Variants in CSGALNACT1 observed in about 807,000 individuals in gnomAD.
The protein encoded by CSGALNACT1 is chondroitin sulfate N-acetylgalactosaminyltransferase 1.
In CSGALNACT1, 52 loss-of-function variants were observed where a neutral mutation model predicts 51.0. That is an observed-to-expected ratio of 1.02 (90% CI 0.82 to 1.29). CSGALNACT1 has a LOEUF of 1.29. Ranked by LOEUF, CSGALNACT1 falls within the 50% of genes most tolerant of loss-of-function variation. The pLI, the probability that CSGALNACT1 is intolerant of heterozygous loss-of-function variation, is 0.00. For missense variants in CSGALNACT1, 935 were observed against 679.2 expected, an observed-to-expected ratio of 1.38 and a Z score of -4.19; for synonymous variants, 341 against 254.4, an observed-to-expected ratio of 1.34 and a Z score of -3.24.
At chr8:19,621,203 C>T (rs2053782034) in intron 1 of CSGALNACT1, among the ~76,000 whole-genome samples, 2 of 152,066 alleles carry the variant, frequency 1.3e-5, no homozygotes, top group South Asian at 4.1e-4. Context: ...AATGATAAAA[C>T]TTTTGCCTGC....
chr8:19,428,378 G>A (rs1024435319), intron 6 of CSGALNACT1, among the ~76,000 whole-genome samples: 5 of 152,080 alleles, frequency 3.3e-5, no homozygotes, highest in Non-Finnish European at 5.9e-5. Flanking sequence ...CTTACGTGGC[G>A]GCAGGTGAGG....
At chr8:19,736,552 G>C (rs1344166313) in intron 1 of CSGALNACT1, among the ~76,000 whole-genome samples, 4 of 151,524 alleles carry the variant, frequency 2.6e-5, no homozygotes, top group African/African-American at 7.3e-5. Context: ...ATCATCCAAA[G>C]AGTGGCATTA....
intron 4 of CSGALNACT1, among the ~76,000 whole-genome samples, chr8:19,494,597 C>G (rs2075100178): frequency 6.6e-6 from 1 of 152,200 alleles, no homozygotes; most frequent in Non-Finnish European, 1.5e-5. Context: ...CACTGAATAT[C>G]CAAGTCTTTA....
At chr8:19,525,536 G>A (rs1238946991) in intron 3 of CSGALNACT1, among the ~76,000 whole-genome samples, 3 of 134,798 alleles carry the variant, frequency 2.2e-5, no homozygotes, top group African/African-American at 8.2e-5. Context: ...AGAATCGCTT[G>A]AACCCAGCAG....
At chr8:19,661,663 T>C (rs1337993734) in intron 1 of CSGALNACT1, among the ~76,000 whole-genome samples, 1 of 152,184 alleles carries the variant, frequency 6.6e-6, no homozygotes, top group East Asian at 1.9e-4. Flanking sequence ...TATGCCATGC[T>C]CTTTATGACA....
At chr8:19,404,272 T>C (rs1563225917) in exon 10 of CSGALNACT1, 1 of 444,402 alleles carries the variant, frequency 2.3e-6, no homozygotes, top group East Asian at 7.0e-5. Flanking sequence ...ATGCATTTTT[T>C]AACACACCAA....
intron 1 of CSGALNACT1, among the ~76,000 whole-genome samples, chr8:19,735,280 C>G (rs1015835536): frequency 2.0e-5 from 3 of 152,118 alleles, no homozygotes; most frequent in African/African-American, 7.2e-5. Context: ...AATTGGCACT[C>G]TGGGGCCCCA....
chr8:19,516,119 C>T (rs2079483309), intron 3 of CSGALNACT1, among the ~76,000 whole-genome samples: 1 of 152,104 alleles, frequency 6.6e-6, no homozygotes, highest in African/African-American at 2.4e-5. Flanking sequence ...ACCCTCCCCT[C>T]GTTCATAATT....
exon 5 of CSGALNACT1, chr8:19,458,470 T>C (rs2064618345): frequency 6.2e-7 from 1 of 1,614,190 alleles, no homozygotes; most frequent in Non-Finnish European, 8.5e-7. Flanking sequence ...CCCTTTTTGC[T>C]AGAGGCACGA....
intron 5 of CSGALNACT1, among the ~76,000 whole-genome samples, chr8:19,442,713 G>GTA (rs1554548705): frequency 2.5e-5 from 2 of 78,956 alleles, no homozygotes; most frequent in African/African-American, 3.6e-5. Context: ...AAAACTTAAA[G>GTA]TATAAAAAAA....
chr8:19,461,513 T>C (rs1231312899), intron 4 of CSGALNACT1, among the ~76,000 whole-genome samples: 1 of 151,372 alleles, frequency 6.6e-6, no homozygotes, highest in African/African-American at 2.4e-5. Context: ...ACATTCACCA[T>C]GGGGGGCGTA....
intron 6 of CSGALNACT1, among the ~76,000 whole-genome samples, chr8:19,436,889 C>T (rs561565032): frequency 3.3e-5 from 5 of 152,256 alleles, no homozygotes; most frequent in South Asian, 2.1e-4. Flanking sequence ...CTAGTCTGGG[C>T]GACAGAGCAA....
chr8:19,631,202 T>C (rs1357557084), intron 1 of CSGALNACT1, among the ~76,000 whole-genome samples: 1 of 152,164 alleles, frequency 6.6e-6, no homozygotes, highest in African/African-American at 2.4e-5. Flanking sequence ...TTTCAACTTA[T>C]GTTGAAATAT....
chr8:19,461,989 AACG>A (rs2065651065), intron 4 of CSGALNACT1, among the ~76,000 whole-genome samples: 1 of 151,132 alleles, frequency 6.6e-6, no homozygotes, highest in East Asian at 2.0e-4. Context: ...GCTGCACAGC[AACG>A]ACATTTGCCA....
intron 1 of CSGALNACT1, among the ~76,000 whole-genome samples, chr8:19,617,700 T>A (rs1026454125): frequency 2.0e-5 from 3 of 152,194 alleles, no homozygotes; most frequent in African/African-American, 7.2e-5. Context: ...GGGAGTAGCT[T>A]CCCAAAGTAT....
chr8:19,455,215 C>T (rs1240542875), intron 5 of CSGALNACT1, among the ~76,000 whole-genome samples: 1 of 152,144 alleles, frequency 6.6e-6, no homozygotes, highest in African/African-American at 2.4e-5. Flanking sequence ...ACTAAAAAGT[C>T]ATGTTTAAAT....
At chr8:19,580,404 A>G (rs1397162052) in intron 3 of CSGALNACT1, among the ~76,000 whole-genome samples, 2 of 152,240 alleles carry the variant, frequency 1.3e-5, no homozygotes, top group Admixed American at 6.5e-5. Flanking sequence ...GTATGGACAG[A>G]GTCCTGGTAA....
intron 3 of CSGALNACT1, among the ~76,000 whole-genome samples, chr8:19,520,557 T>A (rs572866742): frequency 6.6e-6 from 1 of 152,218 alleles, no homozygotes; most frequent in Admixed American, 6.5e-5. Flanking sequence ...ATTTCAAGAT[T>A]TCATGCCTGT....
intron 3 of CSGALNACT1, among the ~76,000 whole-genome samples, chr8:19,568,745 A>G (rs1017309084): frequency 6.6e-6 from 1 of 152,166 alleles, no homozygotes; most frequent in African/African-American, 2.4e-5. Context: ...TGCCAATACA[A>G]CCTCGCATTG....
Sources: gnomAD v4.1 joint callset for allele counts (sites outside exome capture counted in the v4.1 genomes callset) on GRCh38, gnomAD v4.1.1 for gene constraint, MANE v1.5 for transcripts, NCBI Gene and HGNC (gene_info 2026-07-23, HGNC 2026-07-21) for gene names.